The following ANKS1A variants were observed in gnomAD, a reference collection of about 807,000 sequenced individuals.
ANKS1A encodes the protein ankyrin repeat and sterile alpha motif domain containing 1A, also known as ankyrin repeat and SAM domain-containing protein 1A.
A neutral mutation model predicts 120.3 loss-of-function variants in ANKS1A; 55 were observed. That is an observed-to-expected ratio of 0.46 (90% CI 0.37 to 0.57). The LOEUF (loss-of-function observed/expected upper bound fraction) is 0.57, where lower values mean the gene tolerates loss of function less well. Ranked by LOEUF, ANKS1A falls within the 20% of genes least tolerant of loss-of-function variation. The probability of loss-of-function intolerance (pLI) is 0.00; values close to 1 mark genes in which losing one functional copy is unlikely to be tolerated. For missense variants in ANKS1A, 1,123 were observed against 1,480.3 expected, an observed-to-expected ratio of 0.76 and a Z score of 3.96; for synonymous variants, 590 against 604.7, an observed-to-expected ratio of 0.98 and a Z score of 0.36.
rs531907045 is a variant in ANKS1A, at chr6:35,013,495, A to G, written c.1424-3978A>G. ...TTGTTTATAGAGATGAGGTCTCGCC[A>G]TGTTGCCCAAGCTGATCTTGAACTC... is the stretch of plus-strand genomic sequence containing the variant. On this transcript the variant is annotated intron_variant, in intron 10 of 23. Transcript: ENST00000360359. 2.6e-5 allele frequency among the ~76,000 whole-genome samples: 4 copies of G among 151,812 alleles called. No individual in the cohort carries two copies. In the East Asian group the frequency reaches 5.9e-4, roughly 22 times the overall value.
chr6:34,969,294 C>T lies in ANKS1A; in HGVS notation c.279-716C>T, dbSNP rs140656031. Among the ~76,000 whole-genome samples, 44 of 152,276 alleles carry T rather than the reference C, an allele frequency of 2.9e-4. No homozygotes were observed. The East Asian group carries it at 7.9e-3, about 27-fold the overall frequency. ...TTTGAGAGAGAGTCTCGCTCTGTCA[C>T]CCAGGCTGGAGTGCGATGGCGTAAT... On this transcript the variant is annotated intron_variant, in intron 2 of 23. Transcript: ENST00000360359.
intron 13 of ANKS1A, chr6:35,070,790 C>A (rs1225497888): frequency 4.6e-6 from 2 of 433,690 alleles, no homozygotes; most frequent in Non-Finnish European, 8.7e-6. Context: ...AGCCCACAAG[C>A]CTTTATCTTA....
intron 13 of ANKS1A, among the ~76,000 whole-genome samples, chr6:35,065,428 C>T (rs1282957216): frequency 1.3e-5 from 2 of 152,226 alleles, no homozygotes; most frequent in African/African-American, 4.8e-5. Context: ...GACAGATCCT[C>T]TTCCGTCGCT....
intron 13 of ANKS1A, among the ~76,000 whole-genome samples, chr6:35,067,963 C>A (rs939654124): frequency 1.4e-5 from 2 of 146,760 alleles, no homozygotes; most frequent in African/African-American, 5.0e-5. Context: ...AATCTCGGCT[C>A]ACTGCAACCT....
intron 11 of ANKS1A, among the ~76,000 whole-genome samples, chr6:35,021,755 G>A (rs1017611908): frequency 3.0e-4 from 46 of 152,214 alleles, no homozygotes; most frequent in African/African-American, 1.0e-3. Flanking sequence ...GGAGGCCAAG[G>A]CAGGTGGATT....
At chr6:35,059,704 G>C (rs1436767829) in intron 12 of ANKS1A, among the ~76,000 whole-genome samples, 1 of 152,228 alleles carries the variant, frequency 6.6e-6, no homozygotes, top group Non-Finnish European at 1.5e-5. Context: ...GATGAGAGGA[G>C]CGGCGGGGCT....
chr6:34,900,480 G>A (rs960819419), intron 1 of ANKS1A, among the ~76,000 whole-genome samples: 5 of 151,756 alleles, frequency 3.3e-5, no homozygotes, highest in African/African-American at 1.2e-4. Context: ...AAATAGAGAT[G>A]GGGTCTCACT....
intron 9 of ANKS1A, among the ~76,000 whole-genome samples, chr6:34,990,060 A>G (rs1772424594): frequency 6.6e-6 from 1 of 152,210 alleles, no homozygotes; most frequent in South Asian, 2.1e-4. Context: ...TCAATGCCCT[A>G]TTCTCTAATT....
chr6:35,092,439 C>T (rs1433992233), downstream of ANKS1A, among the ~76,000 whole-genome samples: 1 of 152,180 alleles, frequency 6.6e-6, no homozygotes, highest in Admixed American at 6.5e-5. Context: ...CTCTCCTAGC[C>T]AGCCTGCCAG....
intron 11 of ANKS1A, among the ~76,000 whole-genome samples, chr6:35,031,755 C>T (rs1467117838): frequency 1.3e-5 from 2 of 152,204 alleles, no homozygotes; most frequent in African/African-American, 4.8e-5. Flanking sequence ...TTCCCTATTG[C>T]TATGGTTCAG....
At chr6:34,939,285 A>G (rs765334778) in intron 1 of ANKS1A, among the ~76,000 whole-genome samples, 2 of 152,122 alleles carry the variant, frequency 1.3e-5, no homozygotes, top group Non-Finnish European at 2.9e-5. Context: ...CCTCCTGTGG[A>G]CAGGGCAATG....
At chr6:34,951,021 G>A (rs1770068581) in intron 1 of ANKS1A, among the ~76,000 whole-genome samples, 1 of 152,072 alleles carries the variant, frequency 6.6e-6, no homozygotes, top group Non-Finnish European at 1.5e-5. Flanking sequence ...TTCAAAGCTT[G>A]GTATGTAGCC....
intron 10 of ANKS1A, among the ~76,000 whole-genome samples, chr6:35,014,462 C>T (rs879921744): frequency 1.3e-5 from 2 of 151,814 alleles, no homozygotes; most frequent in Non-Finnish European, 2.9e-5. Flanking sequence ...TACCCACTTC[C>T]TTCCCCTTGG....
At chr6:34,901,775 T>C (rs1329023397) in intron 1 of ANKS1A, among the ~76,000 whole-genome samples, 1 of 152,148 alleles carries the variant, frequency 6.6e-6, no homozygotes, top group African/African-American at 2.4e-5. Flanking sequence ...CCTCCCAAAG[T>C]GTTGGGATTA....
At position 35,082,521 on chromosome 6, in the gene ANKS1A, C is replaced by G. The variant is rs559804437; in HGVS notation, c.2710-170C>G. Among the ~76,000 whole-genome samples the G allele has an allele frequency of 6.6e-6, 1 of 152,190 alleles. No homozygotes were observed. Among genetic ancestry groups the G allele is most frequent in the Admixed American group, 6.5e-5 (1 of 15,282 alleles). On this transcript the variant is annotated intron_variant, in intron 17 of 23. Transcript: ENST00000360359. The surrounding 1 kb of genome is among the most constrained non-coding windows in gnomAD (Gnocchi z 4.1). ...GCCTCTGCTGTGGCTAGCACCTCCC[C>G]TCTCCCGCAGTGTGTTTGAATTGCT... is the stretch of plus-strand genomic sequence containing the variant.
intron 10 of ANKS1A, chr6:35,009,951 CGAGA>C: frequency 4.4e-6 from 1 of 229,626 alleles, no homozygotes; most frequent in Non-Finnish European, 8.3e-6. Flanking sequence ...TGCTGAGAGA[CGAGA>C]GAGATTGAAG....
chr6:34,964,340 G>C (rs1770791858), intron 1 of ANKS1A, among the ~76,000 whole-genome samples: 1 of 152,132 alleles, frequency 6.6e-6, no homozygotes, highest in South Asian at 2.1e-4. Flanking sequence ...GTAGAATACA[G>C]AACGCAATAG....
chr6:35,091,028 T>A lies in ANKS1A; in HGVS notation c.*2419T>A. 1.0e-6 allele frequency: 1 copy of A among 985,910 alleles called. No homozygotes were observed. Among genetic ancestry groups the A allele is most frequent in the Middle Eastern group, 5.2e-4 (1 of 1,914 alleles). The allele number at this position is 985,910 out of a possible 1,614,324, so 61.1% of individuals were successfully genotyped here. A position where few individuals can be genotyped will look rare whatever the true frequency, so the allele number is the denominator to read the frequency against. ...CAGGCAGAGCTGCAGTCAGAGACAT[T>A]AGAAAACCAGTCTGAATTGGGTCTG... On this transcript the variant is annotated 3_prime_UTR_variant, in exon 24 of 24. Transcript: ENST00000360359.
At chr6:34,909,914 G>A (rs751897885) in intron 1 of ANKS1A, among the ~76,000 whole-genome samples, 1 of 152,242 alleles carries the variant, frequency 6.6e-6, no homozygotes, top group Non-Finnish European at 1.5e-5. Flanking sequence ...GAAGCATTGT[G>A]CATTGAGACG....
Sources: gnomAD v4.1 joint callset for allele counts (sites outside exome capture counted in the v4.1 genomes callset) on GRCh38, gnomAD v4.1.1 for gene constraint, Gnocchi (gnomAD v3.1) non-coding constraint, MANE v1.5 for transcripts, NCBI Gene and HGNC (gene_info 2026-07-23, HGNC 2026-07-21) for gene names.